Variants in MFN2 observed in about 807,000 individuals in gnomAD.
MFN2 encodes the protein mitofusin 2.
In MFN2, 43 loss-of-function variants were observed where a neutral mutation model predicts 87.5. The ratio of observed to expected loss-of-function variants is 0.49; its 90% CI spans 0.38 to 0.63. The LOEUF (loss-of-function observed/expected upper bound fraction) is 0.63. Ranked by LOEUF, MFN2 falls within the 30% of genes least tolerant of loss-of-function variation. The pLI is 0.00. For missense variants in MFN2, 743 were observed against 972.8 expected, an observed-to-expected ratio of 0.76 and a Z score of 3.14; for synonymous variants, 337 against 359.9, an observed-to-expected ratio of 0.94 and a Z score of 0.72.
chr1:12,007,882 G>A (rs1201166880), intron 17 of MFN2, among the ~76,000 whole-genome samples: 4 of 151,982 alleles, frequency 2.6e-5, no homozygotes, highest in African/African-American at 9.7e-5. Context: ...GTTTTCCTAG[G>A]CAGAGGACCC....
At position 12,007,036 on chromosome 1, in the gene MFN2, G is replaced by A; in HGVS notation, c.1873-17G>A. On this transcript the variant is annotated splice_polypyrimidine_tract_variant and intron_variant, in intron 16 of 18. Transcript: ENST00000235329. The stretch of plus-strand genomic sequence containing the variant: ...CCACAGAGAGGCTGCACTCCAGGCT[G>A]ACCATGTGCTCTGCAGGTGTGGAAG... 1 of 1,612,870 alleles carries A rather than the reference G, an allele frequency of 6.2e-7. No individual in the cohort carries two copies. The highest frequency in any genetic ancestry group is 8.5e-7 in the Non-Finnish European group (1 of 1,180,008).
At chr1:11,988,197 G>A (rs1270701013) in intron 2 of MFN2, among the ~76,000 whole-genome samples, 2 of 151,740 alleles carry the variant, frequency 1.3e-5, no homozygotes, top group Non-Finnish European at 2.9e-5. Context: ...CCGCCTCCCA[G>A]GTTCAAGCAA....
intron 6 of MFN2, 119 bp from the exon 7 acceptor site, chr1:11,998,651 C>A: frequency 1.1e-6 from 1 of 881,368 alleles, no homozygotes. Context: ...TGATTTCTCT[C>A]CCGTCCCTGG....
chr1:12,001,451 G>GGGC lies in MFN2; in HGVS notation c.869_871dup (p.Gly290dup). 6.2e-7 allele frequency: 1 copy of GGGC among 1,614,018 alleles called. No homozygotes were observed. The highest frequency in any genetic ancestry group is 1.1e-5 in the South Asian group (1 of 91,052). On this transcript the variant is annotated inframe_insertion, in exon 9 of 19. Transcript: ENST00000235329. ...GTACCAGCTTCCTGGTGGATGAGCT[G>GGGC]GGCGTGGTGGATCGATCCCAGGCCG...
intron 10 of MFN2, 55 bp from the exon 11 acceptor site, chr1:12,001,927 T>C: frequency 1.2e-6 from 2 of 1,614,162 alleles, no homozygotes; most frequent in South Asian, 2.2e-5. Context: ...AGTCTGGCCC[T>C]TGGTTGTAGG....
chr1:12,002,747 T>A (rs1639234093), intron 11 of MFN2, among the ~76,000 whole-genome samples: 2 of 152,224 alleles, frequency 1.3e-5, no homozygotes, highest in South Asian at 4.1e-4. Flanking sequence ...CTCAGTTGTT[T>A]ATGTTAAGTT....
chr1:12,007,729 T>C (rs1325266723), intron 17 of MFN2, among the ~76,000 whole-genome samples: 1 of 152,202 alleles, frequency 6.6e-6, no homozygotes, highest in Non-Finnish European at 1.5e-5. Context: ...TCTCTGACTC[T>C]TGGAGGTAGA....
intron 2 of MFN2, among the ~76,000 whole-genome samples, chr1:11,983,887 A>G (rs1356826376): frequency 6.6e-6 from 1 of 152,214 alleles, no homozygotes; most frequent in Non-Finnish European, 1.5e-5. Context: ...CCAGGCAGAA[A>G]GCAGCTCATG....
Position 12,011,730 on chromosome 1 carries a change from C to A in MFN2, c.*165C>A. 1 of 704,372 alleles carries A rather than the reference C, an allele frequency of 1.4e-6. No homozygotes were observed. Among genetic ancestry groups the A allele is most frequent in the African/African-American group, 1.8e-5 (1 of 56,546 alleles). 43.6% of individuals were successfully genotyped at this position (704,372 alleles called of 1,614,324 possible). ...TGAGCCCTCCAGCACTACTTATTTT[C>A]CCCCACCTTTGCCTGCTGTTGCTGG... On this transcript the variant is annotated 3_prime_UTR_variant, in exon 19 of 19. Transcript: ENST00000235329.
At chr1:11,993,475 C>T (rs2100815107) in intron 4 of MFN2, among the ~76,000 whole-genome samples, 1 of 152,264 alleles carries the variant, frequency 6.6e-6, no homozygotes, top group Admixed American at 6.5e-5. Flanking sequence ...GTGGCTCACA[C>T]CTGTAATCCC....
At position 12,007,195 on chromosome 1, in the gene MFN2, A is replaced by G; in HGVS notation, c.2015A>G (p.Lys672Arg). The G allele has an allele frequency of 6.2e-7, 1 of 1,614,184 alleles. No homozygotes were observed. Among genetic ancestry groups the G allele is most frequent in the Non-Finnish European group, 8.5e-7 (1 of 1,180,044 alleles). The change falls in exon 17 of 19, where the codon AAG becomes AGG. Residue 672 changes from lysine to arginine, a missense_variant. Lys to Arg is a conservative substitution (Grantham distance 26). Transcript: ENST00000235329. ...CAGTTTGTGGAGCATGCCAGCGAGA[A>G]GCTGCAGCTTGTCATCAGCTACACT... ...KRQFVEHASE[K>R]LQLVISYTGS...
intron 2 of MFN2, among the ~76,000 whole-genome samples, chr1:11,982,803 C>T (rs558193047): frequency 4.6e-5 from 7 of 152,310 alleles, no homozygotes; most frequent in South Asian, 2.1e-4. Flanking sequence ...TTTATTAATA[C>T]TGTGCCCTGG....
At chr1:11,996,555 G>A (rs1192815933) in intron 5 of MFN2, among the ~76,000 whole-genome samples, 1 of 152,176 alleles carries the variant, frequency 6.6e-6, no homozygotes, top group Non-Finnish European at 1.5e-5. Flanking sequence ...ATACAGCTCT[G>A]AGTGGCCACT....
At chr1:11,989,141 C>T (rs774457543) in intron 2 of MFN2, 24 bp from the exon 3 acceptor site, 71 of 1,613,070 alleles carry the variant, frequency 4.4e-5, no homozygotes, top group Admixed American at 2.2e-4. Context: ...TTGCTGGGTT[C>T]GCTCACGTTA....
rs143225985 is a variant in MFN2, at chr1:11,993,668, G to A, written c.311+978G>A. Among the ~76,000 whole-genome samples the A allele has an allele frequency of 1.9e-3, 280 of 151,124 alleles. 8 individuals are homozygous for A. The East Asian group carries it at 0.042, about 23-fold the overall frequency. On this transcript the variant is annotated intron_variant, in intron 4 of 18. Transcript: ENST00000235329. ...GAGAATGGTGTGAACCCCAGGGGGC[G>A]GAGCCTGCAGTGAGCCGAGATCGGG...
chr1:11,989,754 G>A (rs1205414585), intron 3 of MFN2, among the ~76,000 whole-genome samples: 1 of 152,144 alleles, frequency 6.6e-6, no homozygotes, highest in African/African-American at 2.4e-5. Context: ...GGCACTGTTT[G>A]GGTGTCAGTG....
At chr1:11,988,573 G>A (rs777207377) in intron 2 of MFN2, among the ~76,000 whole-genome samples, 1 of 152,006 alleles carries the variant, frequency 6.6e-6, no homozygotes, top group Non-Finnish European at 1.5e-5. Flanking sequence ...GTCTTGCTCT[G>A]TCTCCCAGGC....
chr1:12,010,869 A>G (rs113403833), intron 18 of MFN2, among the ~76,000 whole-genome samples: 1 of 152,056 alleles, frequency 6.6e-6, no homozygotes, highest in South Asian at 2.1e-4. Flanking sequence ...TGCCTAGCCC[A>G]TGATAGCATC....
At chr1:11,980,533 C>T in intron 1 of MFN2, 49 bp downstream of exon 1, 1 of 397,980 alleles carries the variant, frequency 2.5e-6, no homozygotes, top group Non-Finnish European at 4.4e-6. Flanking sequence ...CGGCCCGGCC[C>T]GGCGAGTCCT....
Sources: allele counts gnomAD v4.1 joint callset (sites outside exome capture counted in the v4.1 genomes callset), GRCh38; gene constraint gnomAD v4.1.1; transcripts MANE v1.5; gene names NCBI Gene and HGNC (gene_info 2026-07-23, HGNC 2026-07-21).